EYA4: variants seen among roughly 807,000 people sequenced by gnomAD.
The protein encoded by EYA4 is protein phosphatase EYA4.
In EYA4, 31 loss-of-function variants were observed where a neutral mutation model predicts 87.9. That is an observed-to-expected ratio of 0.35 (90% CI 0.27 to 0.48). The LOEUF (loss-of-function observed/expected upper bound fraction) is 0.48, where lower values mean the gene tolerates loss of function less well. Ranked by LOEUF, EYA4 falls within the 20% of genes least tolerant of loss-of-function variation. The pLI, the probability that EYA4 is intolerant of heterozygous loss-of-function variation, is 0.99. For synonymous variants in EYA4, 263 were observed against 270.6 expected, an observed-to-expected ratio of 0.97 and a Z score of 0.28; for missense variants, 678 against 761.4, an observed-to-expected ratio of 0.89 and a Z score of 1.29.
intron 2 of EYA4, among the ~76,000 whole-genome samples, chr6:133,308,836 T>G (rs989181373): frequency 6.6e-6 from 1 of 152,244 alleles, no homozygotes; most frequent in South Asian, 2.1e-4. Context: ...AACATGTTCC[T>G]TCATTTTCAG....
chr6:133,452,433 A>C (rs955688440), intron 5 of EYA4, among the ~76,000 whole-genome samples: 2 of 152,146 alleles, frequency 1.3e-5, no homozygotes, highest in African/African-American at 4.8e-5. Flanking sequence ...ACTTTGAGTT[A>C]TGATAATAAA....
chr6:133,261,089 CATATT>C, intron 1 of EYA4, among the ~76,000 whole-genome samples: 1 of 152,124 alleles, frequency 6.6e-6, no homozygotes, highest in Non-Finnish European at 1.5e-5. Context: ...ATGTATCTCT[CATATT>C]ATCCCTCATA....
intron 3 of EYA4, among the ~76,000 whole-genome samples, chr6:133,391,216 G>GTTTTTTTTTTTT (rs1171912624): frequency 1.3e-4 from 9 of 68,960 alleles, no homozygotes; most frequent in African/African-American, 2.9e-4. Flanking sequence ...TTTGGGTTTT[G>GTTTTTTTTTTTT]TTTTTGTTTT....
Position 133,522,157 on chromosome 6 carries a change from C to A in EYA4, c.1617-899C>A, listed in dbSNP as rs570278159. On this transcript the variant is annotated intron_variant, in intron 17 of 19. Coordinates refer to ENST00000355286, the MANE Select transcript of EYA4 (RefSeq NM_004100.5). ...AAAAAAAAAAATTCTGGTGCATCTA[C>A]ATGGTAGAGTAGTTTTTTTTTTTTT... Among the ~76,000 whole-genome samples, 85 of 140,896 alleles carry A rather than the reference C, an allele frequency of 6.0e-4. 2 individuals carry two copies. In the South Asian group the frequency reaches 0.019, roughly 31 times the overall value. The allele number at this position is 140,896 out of a possible 152,430, so 92.4% of individuals were successfully genotyped here.
At chr6:133,361,090 G>C (rs575636731) in intron 2 of EYA4, among the ~76,000 whole-genome samples, 33 of 152,206 alleles carry the variant, frequency 2.2e-4, no homozygotes, top group Non-Finnish European at 3.8e-4. Flanking sequence ...TGGGTCACTG[G>C]CCTACTTATC....
At chr6:133,387,972 G>A (rs2128490249) in intron 3 of EYA4, among the ~76,000 whole-genome samples, 2 of 152,230 alleles carry the variant, frequency 1.3e-5, no homozygotes, top group Admixed American at 1.3e-4. Flanking sequence ...GGTGAATGAT[G>A]TCCTCTGTTT....
At chr6:133,513,127 A>G in intron 16 of EYA4, 89 bp downstream of exon 16, 2 of 1,356,690 alleles carry the variant, frequency 1.5e-6, no homozygotes, top group South Asian at 1.2e-5. Flanking sequence ...ATTCTGCTGT[A>G]AAAGAAACAA....
At chr6:133,526,852 C>T (rs1312997160) in intron 19 of EYA4, among the ~76,000 whole-genome samples, 1 of 152,152 alleles carries the variant, frequency 6.6e-6, no homozygotes, top group Non-Finnish European at 1.5e-5. Context: ...GTAATACAGC[C>T]CCACTCCTGC....
chr6:133,468,751 T>G lies in EYA4; in HGVS notation c.970+20T>G. The stretch of plus-strand genomic sequence containing the variant: ...AACCAGGTACAGATCTTCACCCAGG[T>G]GAAATACTTTTATATGTTTTGCAAT... On this transcript the variant is annotated intron_variant, in intron 11 of 19. Transcript: ENST00000355286. The G allele has an allele frequency of 6.2e-7, 1 of 1,611,808 alleles. No homozygotes were observed. The highest frequency in any genetic ancestry group is 8.5e-7 in the Non-Finnish European group (1 of 1,178,246).
At chr6:133,465,522 C>G (rs1228691182) in intron 10 of EYA4, among the ~76,000 whole-genome samples, 2 of 152,068 alleles carry the variant, frequency 1.3e-5, no homozygotes, top group African/African-American at 4.8e-5. Flanking sequence ...TAGAATTATG[C>G]ATGAAGCAAG....
chr6:133,519,667 C>A (rs1438614685), intron 17 of EYA4, among the ~76,000 whole-genome samples: 3 of 148,194 alleles, frequency 2.0e-5, no homozygotes, highest in Admixed American at 6.7e-5. Context: ...CATTCTGATA[C>A]CAAAGCCAGG....
At chr6:133,519,689 C>CAA (rs200521021) in intron 17 of EYA4, among the ~76,000 whole-genome samples, 7 of 147,452 alleles carry the variant, frequency 4.7e-5, no homozygotes, top group East Asian at 2.0e-4. Context: ...AGAGACACAA[C>CAA]AAAAAAAGAG....
intron 13 of EYA4, among the ~76,000 whole-genome samples, chr6:133,492,421 A>G (rs916578589): frequency 1.3e-5 from 2 of 151,624 alleles, no homozygotes; most frequent in African/African-American, 4.8e-5. Context: ...GATAAAAAAA[A>G]TCTTCAAAAA....
At chr6:133,512,156 TCATTACC>T (rs1799209740) in intron 14 of EYA4, among the ~76,000 whole-genome samples, 1 of 152,154 alleles carries the variant, frequency 6.6e-6, no homozygotes, top group Non-Finnish European at 1.5e-5. Context: ...ATATCTATGA[TCATTACC>T]CTTTTTCTGT....
intron 3 of EYA4, among the ~76,000 whole-genome samples, chr6:133,417,102 T>G (rs1789782982): frequency 1.3e-5 from 2 of 152,218 alleles, no homozygotes; most frequent in African/African-American, 2.4e-5. Context: ...GTCATTTGAA[T>G]GTGAAACTTA....
chr6:133,383,051 G>A (rs900171317), intron 3 of EYA4, among the ~76,000 whole-genome samples: 1 of 152,128 alleles, frequency 6.6e-6, no homozygotes, highest in Admixed American at 6.5e-5. Flanking sequence ...TCATTTCAAA[G>A]TCCAGGCTGC....
In EYA4 at chr6:133,528,831, T is replaced by C; in HGVS notation, c.*26T>C. ...CTGTGTTCTTTAGCCGGAGATCCAT[T>C]TTTTATATTTCAAGTACACTGAATT... On this transcript the variant is annotated 3_prime_UTR_variant, in exon 20 of 20. Coordinates refer to ENST00000355286, the MANE Select transcript of EYA4 (RefSeq NM_004100.5). The C allele has an allele frequency of 2.5e-6, 4 of 1,612,698 alleles. No homozygotes were observed. Among genetic ancestry groups the C allele is most frequent in the Non-Finnish European group, 3.4e-6 (4 of 1,178,884 alleles).
chr6:133,383,720 CATATG>C (rs1786456246), intron 3 of EYA4, among the ~76,000 whole-genome samples: 1 of 151,962 alleles, frequency 6.6e-6, no homozygotes, highest in African/African-American at 2.4e-5. Flanking sequence ...TCATGAAGAG[CATATG>C]ATATGATATC....
intron 16 of EYA4, among the ~76,000 whole-genome samples, chr6:133,513,526 A>G (rs777142837): frequency 1.3e-5 from 2 of 152,158 alleles, no homozygotes; most frequent in Non-Finnish European, 1.5e-5. Context: ...TAAAAAAATC[A>G]TGTTTTATGT....
Sources: gnomAD v4.1 joint callset for allele counts (sites outside exome capture counted in the v4.1 genomes callset) on GRCh38, gnomAD v4.1.1 for gene constraint, MANE v1.5 for transcripts, NCBI Gene and HGNC (gene_info 2026-07-23, HGNC 2026-07-21) for gene names.